The following ARHGEF7 variants were observed in gnomAD, a reference collection of about 807,000 sequenced individuals.
ARHGEF7 encodes the protein Rho guanine nucleotide exchange factor 7.
Under a neutral mutation model 109.8 loss-of-function variants are expected in ARHGEF7, and 33 were observed. The observed-to-expected ratio is 0.30, with a 90% CI of 0.23 to 0.40. The LOEUF (loss-of-function observed/expected upper bound fraction) is 0.40, where lower values mean the gene tolerates loss of function less well. Ranked by LOEUF, ARHGEF7 falls within the 10% of genes least tolerant of loss-of-function variation. ARHGEF7 has a pLI of 1.00. For missense variants in ARHGEF7, 938 were observed against 1,098.5 expected (o/e 0.85, Z 2.07); for synonymous variants, 458 against 424.6 (o/e 1.08, Z -0.97).
chr13:111,201,817 C>T (rs993893081), intron 2 of ARHGEF7, among the ~76,000 whole-genome samples: 1 of 152,136 alleles, frequency 6.6e-6, no homozygotes, highest in African/African-American at 2.4e-5. Flanking sequence ...GTGTCCTTCC[C>T]ACAACGTGCC....
At chr13:111,133,081 C>CACATGCATATAT (rs2074856114) in intron 1 of ARHGEF7, among the ~76,000 whole-genome samples, 1 of 152,028 alleles carries the variant, frequency 6.6e-6, no homozygotes, top group South Asian at 2.1e-4. Flanking sequence ...CATGTATATA[C>CACATGCATATAT]ACATGCATAT....
chr13:111,229,634 A>T (rs1411394667), intron 5 of ARHGEF7, among the ~76,000 whole-genome samples: 1 of 152,160 alleles, frequency 6.6e-6, no homozygotes, highest in Non-Finnish European at 1.5e-5. Context: ...CTGGTAGCTC[A>T]GTACCTTCTG....
intron 2 of ARHGEF7, among the ~76,000 whole-genome samples, chr13:111,164,736 T>C (rs531149297): frequency 6.6e-6 from 1 of 152,338 alleles, no homozygotes; most frequent in Non-Finnish European, 1.5e-5. Context: ...TGTCTCAAGT[T>C]GTTACCACCA....
chr13:111,275,354 T>C (rs2092415618), intron 11 of ARHGEF7, among the ~76,000 whole-genome samples, 178 bp from the exon 12 acceptor site: 1 of 152,252 alleles, frequency 6.6e-6, no homozygotes, highest in African/African-American at 2.4e-5. Context: ...CTTGGTTTCA[T>C]ACTTCTAAGC....
intron 2 of ARHGEF7, among the ~76,000 whole-genome samples, chr13:111,199,836 C>T (rs2081003732): frequency 6.6e-6 from 1 of 152,116 alleles, no homozygotes; most frequent in Non-Finnish European, 1.5e-5. Context: ...CAGCCTGGGC[C>T]TAGAGACTGG....
rs1567077492 is a variant in ARHGEF7 at position 111,283,472 on chromosome 13, C to G, written c.1950+109C>G. On this transcript the variant is annotated intron_variant, in intron 16 of 21. Transcript: ENST00000646102. Reference sequence around the variant, plus strand: ...TGTACAGCAAAATGCACCCTAACTCCTAGAGAACTGAGAAGGGGGGGTCTG... The same window carrying G: ...TGTACAGCAAAATGCACCCTAACTCGTAGAGAACTGAGAAGGGGGGGTCTG... 7 of 1,442,284 alleles carry G rather than the reference C, an allele frequency of 4.9e-6. No homozygotes were observed. In the East Asian group the frequency reaches 1.7e-4, roughly 36 times the overall value. The allele number at this position is 1,442,284 out of a possible 1,614,324, so 89.3% of individuals were successfully genotyped here. A position where few individuals can be genotyped will look rare whatever the true frequency, so the allele number is the denominator to read the frequency against.
intron 12 of ARHGEF7, 50 bp from the exon 13 acceptor site, chr13:111,277,537 T>A (rs761098860): frequency 8.7e-7 from 1 of 1,155,448 alleles, no homozygotes; most frequent in Admixed American, 1.7e-5. Context: ...CTCACATTTG[T>A]TAAGTAGATG....
rs558919650 is a variant in ARHGEF7 at position 111,221,694 on chromosome 13, T to G, written c.670+3814T>G. 9.2e-4 allele frequency among the ~76,000 whole-genome samples: 109 copies of G among 118,764 alleles called. 1 individual carries two copies. The highest frequency in any genetic ancestry group is 3.1e-3 in the African/African-American group (106 of 34,202). 77.9% of individuals were successfully genotyped at this position (118,764 alleles called of 152,430 possible). The stretch of plus-strand genomic sequence containing the variant: ...TAATAAACTCCCCTTAATAAACCCC[T>G]TGATATATCTATCTGTATCTATCTA... On this transcript the variant is annotated intron_variant, in intron 5 of 21. Transcript: ENST00000646102.
At chr13:111,139,682 G>A (rs1344885226) in intron 1 of ARHGEF7, among the ~76,000 whole-genome samples, 1 of 152,232 alleles carries the variant, frequency 6.6e-6, no homozygotes, top group African/African-American at 2.4e-5. Flanking sequence ...CTGCTTAGGG[G>A]CAAACCCAAT....
chr13:111,215,030 A>G (rs1003992545), intron 4 of ARHGEF7, among the ~76,000 whole-genome samples: 15 of 152,066 alleles, frequency 9.9e-5, no homozygotes, highest in Admixed American at 2.6e-4. Context: ...TTAGGAAAAA[A>G]CAGTAGGGAC....
intron 2 of ARHGEF7, among the ~76,000 whole-genome samples, chr13:111,185,778 G>T (rs1039999868): frequency 6.6e-6 from 1 of 152,148 alleles, no homozygotes; most frequent in African/African-American, 2.4e-5. Context: ...GTGGTGAGTT[G>T]TGTCTGAGAC....
chr13:111,130,106 A>C (rs555449599), intron 1 of ARHGEF7, among the ~76,000 whole-genome samples: 2 of 152,240 alleles, frequency 1.3e-5, no homozygotes, highest in Non-Finnish European at 2.9e-5. Context: ...AAGAAGCCAG[A>C]CAAGAAAGTA....
At chr13:111,156,334 A>AT (rs1243768015) in intron 2 of ARHGEF7, among the ~76,000 whole-genome samples, 1 of 152,198 alleles carries the variant, frequency 6.6e-6, no homozygotes, top group Non-Finnish European at 1.5e-5. Flanking sequence ...AGTGAGTTTC[A>AT]TTTTAAAGTA....
rs749407387 is a variant in ARHGEF7, at chr13:111,275,737, A to G, written c.1419+59A>G. 9.3e-6 allele frequency: 15 copies of G among 1,605,942 alleles called. No homozygotes were observed. The South Asian group carries it at 1.3e-4, about 14-fold the overall frequency. On this transcript the variant is annotated intron_variant, in intron 12 of 21. Coordinates refer to ENST00000646102, the MANE Select transcript of ARHGEF7 (RefSeq NM_001354046.2). The stretch of plus-strand genomic sequence containing the variant: ...TGTCCCACTCTTAGGAGCTCATAGC[A>G]GAAGATTTTAAAGGCATCTCAAGCG...
chr13:111,210,064 TA>T, intron 4 of ARHGEF7, 62 bp downstream of exon 4: 1 of 1,600,116 alleles, frequency 6.2e-7, no homozygotes, highest in East Asian at 2.2e-5. Flanking sequence ...TGTATGGATA[TA>T]TCTGAGAAGA....
In ARHGEF7 at chr13:111,217,801, G is replaced by C. The variant is rs149212045; in HGVS notation, c.591G>C (p.Glu197Asp). 9.1e-4 allele frequency: 1,463 copies of C among 1,614,244 alleles called. 6 individuals are homozygous for C. Among genetic ancestry groups the C allele is most frequent in the Admixed American group, 7.0e-3 (421 of 60,036 alleles). Residue 197 changes from glutamate to aspartate, a missense_variant, in exon 5 of 22, where the codon GAG (glutamate) becomes GAC (aspartate). Around this residue, in one of 4 missense-constraint regions of ARHGEF7, gnomAD observed 585 missense variants for 723.6 expected, o/e 0.81. Coordinates refer to ENST00000646102, the MANE Select transcript of ARHGEF7 (RefSeq NM_001354046.2). ...GDVIHVTRVE[E>D]GGWWEGTLNG... is the part of the protein sequence containing the mutation. ...TCATCCATGTCACCCGTGTGGAAGA[G>C]GGAGGCTGGTGGGAGGGCACACTCA...
chr13:111,303,164 G>A lies in ARHGEF7; in HGVS notation c.*51G>A. 3 of 1,438,714 alleles carry A rather than the reference G, an allele frequency of 2.1e-6. No individual in the cohort carries two copies. The highest frequency in any genetic ancestry group is 1.9e-5 in the Admixed American group (1 of 51,434). 89.1% of individuals were successfully genotyped at this position (1,438,714 alleles called of 1,614,324 possible). Reference sequence around the variant, plus strand: ...AAGACCAGTTCTGAGGTGAAGCTGGGCACCCCTGACCCAAGTCGGGGTGCA... The same window carrying A: ...AAGACCAGTTCTGAGGTGAAGCTGGACACCCCTGACCCAAGTCGGGGTGCA... On this transcript the variant is annotated 3_prime_UTR_variant, in exon 22 of 22. Coordinates refer to ENST00000646102, the MANE Select transcript of ARHGEF7 (RefSeq NM_001354046.2).
chr13:111,156,962 G>C (rs940003242), intron 2 of ARHGEF7, among the ~76,000 whole-genome samples: 1 of 152,152 alleles, frequency 6.6e-6, no homozygotes, highest in Non-Finnish European at 1.5e-5. Context: ...CTTATTTACT[G>C]TCAGTTTAAG....
chr13:111,129,603 A>G (rs2074632822), intron 1 of ARHGEF7, among the ~76,000 whole-genome samples: 1 of 152,244 alleles, frequency 6.6e-6, no homozygotes. Flanking sequence ...CAGATGGCAA[A>G]TAAGCACTCA....
Sources: allele counts gnomAD v4.1 joint callset (sites outside exome capture counted in the v4.1 genomes callset), GRCh38; gene constraint gnomAD v4.1.1; regional missense constraint gnomAD v4.1.1; transcripts MANE v1.5; gene names NCBI Gene and HGNC (gene_info 2026-07-23, HGNC 2026-07-21).